The following GALNT17 variants were observed in gnomAD, a reference collection of about 807,000 sequenced individuals.
GALNT17 encodes polypeptide N-acetylgalactosaminyltransferase 17.
Under a neutral mutation model 63.7 loss-of-function variants are expected in GALNT17, and 29 were observed. That is an observed-to-expected ratio of 0.46 (90% CI 0.34 to 0.62). GALNT17 has a LOEUF of 0.62. GALNT17 is among the 20% of genes least tolerant of loss of function. GALNT17 has a pLI of 0.01. For synonymous variants in GALNT17, 305 were observed against 318.3 expected (o/e 0.96, Z 0.45); for missense variants, 603 against 799.6 (o/e 0.75, Z 2.97).
intron 3 of GALNT17, among the ~76,000 whole-genome samples, chr7:71,393,067 T>C (rs1049453703): frequency 3.3e-5 from 5 of 152,216 alleles, no homozygotes; most frequent in African/African-American, 1.2e-4. Flanking sequence ...AATCTCCTTT[T>C]ATAATGACTC....
intron 1 of GALNT17, among the ~76,000 whole-genome samples, chr7:71,241,904 C>T (rs372432611): frequency 1.5e-4 from 23 of 152,002 alleles, no homozygotes; most frequent in African/African-American, 5.3e-4. Flanking sequence ...AAAGAATACC[C>T]GAGGGTTGGT....
At chr7:71,226,807 T>TCA (rs1168550276) in intron 1 of GALNT17, among the ~76,000 whole-genome samples, 1 of 151,592 alleles carries the variant, frequency 6.6e-6, no homozygotes. Flanking sequence ...AGCAGTGGAG[T>TCA]CACAGAGCCT....
chr7:71,523,020 A>G (rs1165424441), intron 5 of GALNT17, among the ~76,000 whole-genome samples: 1 of 152,052 alleles, frequency 6.6e-6, no homozygotes, highest in African/African-American at 2.4e-5. Context: ...ATCCTGGGCA[A>G]TGTAGCGAGA....
At position 71,388,520 on chromosome 7, in the gene GALNT17, G is replaced by T. The variant is rs1037644042; in HGVS notation, c.589+119G>T. 7.2e-5 allele frequency: 91 copies of T among 1,260,164 alleles called. No individual in the cohort carries two copies. The African/African-American group carries it at 1.3e-3, about 18-fold the overall frequency. The allele number at this position is 1,260,164 out of a possible 1,614,324, so 78.1% of individuals were successfully genotyped here. On this transcript the variant is annotated intron_variant, in intron 3 of 10. Transcript: ENST00000333538. ...GGTCCCTGGAGCATATCTGGGGAAG[G>T]GATATTTTTTCTTTTTCTTTTTTTG...
intron 6 of GALNT17, among the ~76,000 whole-genome samples, chr7:71,642,239 A>G (rs4719155): frequency 0.74 from 112,041 of 152,116 alleles, 41,415 homozygotes; most frequent in Middle Eastern, 0.85. Flanking sequence ...GTCCTAGCCT[A>G]TGGAAACACC....
intron 1 of GALNT17, among the ~76,000 whole-genome samples, chr7:71,320,711 G>A (rs1791590763): frequency 6.6e-6 from 1 of 152,160 alleles, no homozygotes; most frequent in South Asian, 2.1e-4. Flanking sequence ...AAATTAATTA[G>A]AGATGATGGT....
chr7:71,408,767 G>A (rs993571719), intron 3 of GALNT17, among the ~76,000 whole-genome samples: 3 of 152,094 alleles, frequency 2.0e-5, no homozygotes, highest in African/African-American at 4.8e-5. Context: ...CAGGTACTCA[G>A]GAGGCTGAGG....
intron 6 of GALNT17, among the ~76,000 whole-genome samples, chr7:71,635,292 G>A (rs1319547276): frequency 2.6e-5 from 4 of 152,066 alleles, no homozygotes. Context: ...AAGCTTTTAG[G>A]TACTAGGCTT....
chr7:71,336,291 C>T (rs184633441), intron 2 of GALNT17, among the ~76,000 whole-genome samples: 26 of 152,134 alleles, frequency 1.7e-4, no homozygotes, highest in African/African-American at 4.3e-4. Flanking sequence ...GTGATCTGCC[C>T]GCCTTGGCCT....
chr7:71,449,321 G>A (rs1306277454), intron 5 of GALNT17, among the ~76,000 whole-genome samples: 1 of 151,774 alleles, frequency 6.6e-6, no homozygotes, highest in Non-Finnish European at 1.5e-5. Flanking sequence ...CATGGCTGGT[G>A]TTGAACTCCT....
intron 1 of GALNT17, among the ~76,000 whole-genome samples, chr7:71,260,281 T>A (rs1400334350): frequency 6.6e-6 from 1 of 152,164 alleles, no homozygotes; most frequent in African/African-American, 2.4e-5. Flanking sequence ...TTGCAGTGTC[T>A]CTTCCAATTT....
intron 1 of GALNT17, among the ~76,000 whole-genome samples, chr7:71,259,005 A>C (rs1790334740): frequency 6.6e-6 from 1 of 152,136 alleles, no homozygotes; most frequent in Non-Finnish European, 1.5e-5. Flanking sequence ...ATGGGGGATG[A>C]GGCTGGAGAG....
At chr7:71,541,757 A>T (rs1019014038) in intron 5 of GALNT17, among the ~76,000 whole-genome samples, 10 of 152,158 alleles carry the variant, frequency 6.6e-5, no homozygotes, top group Admixed American at 5.2e-4. Flanking sequence ...CCTTGCTGTT[A>T]ATCTTCCAGA....
At chr7:71,581,291 C>G (rs1789631915) in intron 6 of GALNT17, among the ~76,000 whole-genome samples, 2 of 152,264 alleles carry the variant, frequency 1.3e-5, no homozygotes, top group African/African-American at 4.8e-5. Flanking sequence ...TCCCAAGTAG[C>G]TGGGATTACA....
chr7:71,617,705 C>G (rs1259955200), intron 6 of GALNT17, among the ~76,000 whole-genome samples: 1 of 151,906 alleles, frequency 6.6e-6, no homozygotes, highest in African/African-American at 2.4e-5. Context: ...TGCTGTGGCG[C>G]GATCTCGGCT....
intron 1 of GALNT17, among the ~76,000 whole-genome samples, chr7:71,321,867 T>TTTCCTTCCTTCCTTCCTTCCTTCCTTCC (rs1178713360): frequency 2.1e-5 from 1 of 46,834 alleles, no homozygotes; most frequent in African/African-American, 7.5e-5. Context: ...CCTTCCTTCC[T>TTTCCTTCCTTCCTTCCTTCCTTCCTTCC]TTCCTTCCTT....
chr7:71,642,247 A>C (rs1790614871), intron 6 of GALNT17, among the ~76,000 whole-genome samples: 1 of 152,144 alleles, frequency 6.6e-6, no homozygotes, highest in South Asian at 2.1e-4. Context: ...CTATGGAAAC[A>C]CCTAAAACAC....
At chr7:71,704,766 G>C (rs1584150733) in intron 9 of GALNT17, among the ~76,000 whole-genome samples, 1 of 152,080 alleles carries the variant, frequency 6.6e-6, no homozygotes, top group Non-Finnish European at 1.5e-5. Flanking sequence ...AATTCAATAA[G>C]GAAAGAATAG....
chr7:71,640,055 G>A (rs907728643), intron 6 of GALNT17, among the ~76,000 whole-genome samples: 8 of 152,120 alleles, frequency 5.3e-5, no homozygotes, highest in South Asian at 2.1e-4. Flanking sequence ...TCAGGATGCC[G>A]ACAAAATGAT....
Sources: gnomAD v4.1 joint callset for allele counts (sites outside exome capture counted in the v4.1 genomes callset) on GRCh38, gnomAD v4.1.1 for gene constraint, MANE v1.5 for transcripts, NCBI Gene and HGNC (gene_info 2026-07-23, HGNC 2026-07-21) for gene names.